The following KHDRBS2 variants were observed in gnomAD, a reference collection of about 807,000 sequenced individuals.
KHDRBS2 encodes the protein KH domain-containing, RNA-binding, signal transduction-associated protein 2.
KHDRBS2 carries 26 observed loss-of-function variants against 44.3 expected under a neutral mutation model. That is an observed-to-expected ratio of 0.59 (90% CI 0.43 to 0.81). The LOEUF is 0.81. KHDRBS2 is among the 40% of genes least tolerant of loss of function. The pLI is 0.00. For missense variants in KHDRBS2, 476 were observed against 433.1 expected (o/e 1.10, Z -0.88); for synonymous variants, 194 against 151.1 (o/e 1.28, Z -2.08).
At chr6:61,578,996 A>G in the KHDRBS2 span, among the ~76,000 whole-genome samples, 2 of 152,186 alleles carry the variant, frequency 1.3e-5, no homozygotes, top group African/African-American at 4.8e-5. Context: ...ACAAAGTGTG[A>G]CAGCTTGTCA....
the KHDRBS2 span, chr6:61,574,250 C>T: frequency 7.3e-6 from 7 of 959,358 alleles, no homozygotes; most frequent in Non-Finnish European, 1.1e-5. Flanking sequence ...TGCCCAGTGA[C>T]ATATGTTTAA....
At chr6:61,817,963 C>T (rs1457559111) in intron 6 of KHDRBS2, among the ~76,000 whole-genome samples, 1 of 151,850 alleles carries the variant, frequency 6.6e-6, no homozygotes, top group South Asian at 2.1e-4. Flanking sequence ...GTATTTTGAT[C>T]GACAACTCCC....
the KHDRBS2 span, among the ~76,000 whole-genome samples, chr6:61,577,667 A>G: frequency 6.6e-6 from 1 of 152,188 alleles, no homozygotes. Context: ...AATAAGAAAT[A>G]TACTAATAAC....
chr6:62,187,016 A>G (rs1823575836), intron 1 of KHDRBS2, among the ~76,000 whole-genome samples: 1 of 152,082 alleles, frequency 6.6e-6, no homozygotes, highest in Non-Finnish European at 1.5e-5. Context: ...GAGCAACCAT[A>G]ATCATATTAC....
At chr6:62,078,750 C>T (rs1246389034) in intron 2 of KHDRBS2, among the ~76,000 whole-genome samples, 2 of 151,896 alleles carry the variant, frequency 1.3e-5, no homozygotes, top group Admixed American at 6.6e-5. Context: ...ACAGAAAGTA[C>T]ATTTAATGTA....
chr6:62,106,333 T>C (rs1258256611), intron 2 of KHDRBS2, among the ~76,000 whole-genome samples: 4 of 152,142 alleles, frequency 2.6e-5, no homozygotes, highest in South Asian at 4.1e-4. Context: ...CAGGGGATCC[T>C]TGTTAACTTT....
chr6:61,936,312 G>C (rs944022653), intron 4 of KHDRBS2, among the ~76,000 whole-genome samples: 5 of 151,902 alleles, frequency 3.3e-5, no homozygotes, highest in Admixed American at 3.3e-4. Flanking sequence ...AGGCAAACTG[G>C]CTTCAAAATA....
At chr6:61,567,701 C>T in the KHDRBS2 span, among the ~76,000 whole-genome samples, 1 of 103,730 alleles carries the variant, frequency 9.6e-6, no homozygotes, top group Non-Finnish European at 2.2e-5. Flanking sequence ...TTTCCCCTTT[C>T]TTCTTCTTCC....
At chr6:61,747,670 A>G (rs1777062817) in intron 6 of KHDRBS2, among the ~76,000 whole-genome samples, 1 of 152,178 alleles carries the variant, frequency 6.6e-6, no homozygotes, top group African/African-American at 2.4e-5. Context: ...CGAATGTTAC[A>G]AAAATTCCTT....
intron 2 of KHDRBS2, among the ~76,000 whole-genome samples, chr6:62,064,067 T>A (rs1403253337): frequency 1.5e-5 from 2 of 132,362 alleles, no homozygotes; most frequent in Non-Finnish European, 3.3e-5. Flanking sequence ...GGAATCCAAC[T>A]TACAAGGGAC....
chr6:61,970,430 G>C (rs575017878), intron 4 of KHDRBS2, among the ~76,000 whole-genome samples: 3 of 152,002 alleles, frequency 2.0e-5, no homozygotes, highest in African/African-American at 7.2e-5. Context: ...TAAAATGCTT[G>C]AATTCTAAGT....
At chr6:61,578,182 A>G in the KHDRBS2 span, among the ~76,000 whole-genome samples, 2 of 152,210 alleles carry the variant, frequency 1.3e-5, no homozygotes, top group East Asian at 3.9e-4. Flanking sequence ...TAGTGGGGAG[A>G]TCAGGTCACT....
At chr6:61,568,020 T>C in the KHDRBS2 span, among the ~76,000 whole-genome samples, 8 of 152,144 alleles carry the variant, frequency 5.3e-5, no homozygotes, top group African/African-American at 1.7e-4. Context: ...TTTGTATATA[T>C]AGAGAGATAC....
At position 62,167,152 on chromosome 6, in the gene KHDRBS2, G is replaced by A. The variant is rs116518446; in HGVS notation, c.219+10033C>T. Reference sequence around the variant, plus strand: ...TAGAAAATATTGGCCTGAGGTATGAGAAGGAAAGGGCTAGGGGTTTTGTTG... The same window carrying A: ...TAGAAAATATTGGCCTGAGGTATGAAAAGGAAAGGGCTAGGGGTTTTGTTG... On this transcript the variant is annotated intron_variant, in intron 2 of 8. Coordinates refer to ENST00000281156, the MANE Select transcript of KHDRBS2 (RefSeq NM_152688.4). Among the ~76,000 whole-genome samples, 382 of 152,076 alleles carry A rather than the reference G, an allele frequency of 2.5e-3. 4 individuals carry two copies. Among genetic ancestry groups the A allele is most frequent in the African/African-American group, 8.4e-3 (350 of 41,520 alleles).
intron 1 of KHDRBS2, among the ~76,000 whole-genome samples, chr6:62,221,125 T>C (rs771590258): frequency 6.7e-6 from 1 of 148,608 alleles, no homozygotes; most frequent in Non-Finnish European, 1.5e-5. Context: ...TACCCAGCCA[T>C]ACCAAAAAAA....
At chr6:61,834,281 A>T (rs1334103700) in intron 6 of KHDRBS2, among the ~76,000 whole-genome samples, 1 of 152,056 alleles carries the variant, frequency 6.6e-6, no homozygotes, top group Non-Finnish European at 1.5e-5. Context: ...GAACCCAAAG[A>T]CACAAAAGGC....
intron 3 of KHDRBS2, among the ~76,000 whole-genome samples, chr6:62,005,514 A>G (rs955613790): frequency 6.6e-6 from 1 of 151,942 alleles, no homozygotes; most frequent in African/African-American, 2.4e-5. Context: ...CCTTGTAGAA[A>G]TTACAACAAG....
At chr6:61,848,218 T>C (rs1485345403) in intron 6 of KHDRBS2, among the ~76,000 whole-genome samples, 3 of 151,640 alleles carry the variant, frequency 2.0e-5, no homozygotes, top group African/African-American at 7.3e-5. Flanking sequence ...TCAACAAGTC[T>C]TTTAATTCTG....
chr6:61,615,889 G>T, the KHDRBS2 span, among the ~76,000 whole-genome samples: 1 of 152,062 alleles, frequency 6.6e-6, no homozygotes, highest in Non-Finnish European at 1.5e-5. Flanking sequence ...TAGAGATATG[G>T]CCCAAGTCTA....
Sources: allele counts gnomAD v4.1 joint callset (sites outside exome capture counted in the v4.1 genomes callset), GRCh38; gene constraint gnomAD v4.1.1; transcripts MANE v1.5; gene names NCBI Gene and HGNC (gene_info 2026-07-23, HGNC 2026-07-21).